The following WEE2 variants were observed in gnomAD, a reference collection of about 807,000 sequenced individuals.
WEE2 encodes WEE2 oocyte meiosis inhibiting kinase.
A neutral mutation model predicts 60.1 loss-of-function variants in WEE2; 50 were observed. The ratio of observed to expected loss-of-function variants is 0.83; its 90% CI spans 0.66 to 1.05. The LOEUF is 1.05. WEE2 is among the 50% of genes least tolerant of loss of function. The probability of loss-of-function intolerance (pLI) is 0.00; values close to 1 mark genes in which losing one functional copy is unlikely to be tolerated. For synonymous variants in WEE2, 240 were observed against 241.0 expected (o/e 1.00, Z 0.04); for missense variants, 631 against 684.3 (o/e 0.92, Z 0.87).
intron 5 of WEE2, 89 bp from the exon 6 acceptor site, chr7:141,723,045 C>T: frequency 6.5e-7 from 1 of 1,526,940 alleles, no homozygotes; most frequent in Non-Finnish European, 8.9e-7. Flanking sequence ...GGAACTAATA[C>T]CCTGAAGATA....
intron 8 of WEE2, among the ~76,000 whole-genome samples, 171 bp from the exon 9 acceptor site, chr7:141,724,855 A>G (rs1798982255): frequency 6.6e-6 from 1 of 152,226 alleles, no homozygotes; most frequent in Non-Finnish European, 1.5e-5. Context: ...AATCAGGTAG[A>G]TTCGTGTTCT....
intron 9 of WEE2, among the ~76,000 whole-genome samples, chr7:141,726,261 T>C (rs564338492): frequency 2.0e-5 from 3 of 152,124 alleles, no homozygotes; most frequent in Non-Finnish European, 4.4e-5. Flanking sequence ...CCTTGGAGAT[T>C]AGATTTTTTT....
chr7:141,727,244 G>A, intron 9 of WEE2, 60 bp from the exon 10 acceptor site: 1 of 1,561,364 alleles, frequency 6.4e-7, no homozygotes, highest in South Asian at 1.2e-5. Flanking sequence ...TGGCTTGAAT[G>A]GGAAGATTTT....
chr7:141,713,289 C>G (rs952924699), intron 1 of WEE2, among the ~76,000 whole-genome samples: 2 of 152,284 alleles, frequency 1.3e-5, no homozygotes. Context: ...TTAGAAAGAG[C>G]CTCACAGTGC....
chr7:141,729,768 C>A, intron 11 of WEE2, 95 bp downstream of exon 11: 1 of 1,412,638 alleles, frequency 7.1e-7, no homozygotes, highest in Non-Finnish European at 9.6e-7. Flanking sequence ...GCAGGTGGAT[C>A]ATGAGGTCAG....
intron 10 of WEE2, chr7:141,727,819 C>T (rs535664199): frequency 3.2e-4 from 60 of 188,188 alleles, no homozygotes; most frequent in Non-Finnish European, 5.7e-4. Context: ...TTTTAGAAAC[C>T]CATAAATTTC....
intron 1 of WEE2, among the ~76,000 whole-genome samples, chr7:141,713,057 C>G (rs2117103692): frequency 6.6e-6 from 1 of 152,240 alleles, no homozygotes; most frequent in Admixed American, 6.5e-5. Context: ...ACACTTGACT[C>G]TGGCAATGAC....
intron 4 of WEE2, 131 bp downstream of exon 4, chr7:141,719,375 G>A (rs1033861936): frequency 9.5e-6 from 8 of 843,518 alleles, no homozygotes; most frequent in Non-Finnish European, 1.4e-5. Flanking sequence ...CACATTATAT[G>A]TTATCTCATA....
intron 5 of WEE2, 113 bp from the exon 6 acceptor site, chr7:141,723,021 C>T: frequency 1.4e-6 from 2 of 1,384,918 alleles, no homozygotes; most frequent in East Asian, 2.3e-5. Flanking sequence ...GCTTTGATAT[C>T]TGCAGGAGGT....
intron 2 of WEE2, among the ~76,000 whole-genome samples, chr7:141,715,965 C>T (rs1285164146): frequency 1.3e-5 from 2 of 152,164 alleles, no homozygotes; most frequent in Admixed American, 1.3e-4. Context: ...CTACTCGTTC[C>T]CAGAATCTTG....
chr7:141,726,188 A>G (rs1009815644), intron 9 of WEE2, among the ~76,000 whole-genome samples: 4 of 152,236 alleles, frequency 2.6e-5, no homozygotes, highest in Non-Finnish European at 4.4e-5. Context: ...ATATGACTTT[A>G]AATCATGTCT....
intron 1 of WEE2, among the ~76,000 whole-genome samples, chr7:141,713,307 A>G (rs1798738306): frequency 6.6e-6 from 1 of 152,180 alleles, no homozygotes; most frequent in South Asian, 2.1e-4. Context: ...TGCAATGCTT[A>G]TACTGTGGCC....
intron 2 of WEE2, among the ~76,000 whole-genome samples, chr7:141,714,842 T>C (rs1798769969): frequency 6.6e-6 from 1 of 152,178 alleles, no homozygotes; most frequent in African/African-American, 2.4e-5. Context: ...CTGTGGGTGA[T>C]GGAAGATTGG....
At chr7:141,716,380 C>T in intron 3 of WEE2, 113 bp downstream of exon 3, 1 of 983,314 alleles carries the variant, frequency 1.0e-6, no homozygotes, top group East Asian at 2.5e-5. Context: ...CTTCCCTACC[C>T]TCCCTTTTCT....
rs1798972853 is a variant in WEE2, at chr7:141,724,281, G to A, written c.1221+6G>A. ...CTAATGAGATTTTGCAAGAGGTATA[G>A]ATTAGGGAAATGGAGGGTATTTTAT... On this transcript the variant is annotated splice_donor_region_variant and intron_variant, in intron 8 of 11. Coordinates refer to ENST00000397541, the MANE Select transcript of WEE2 (RefSeq NM_001105558.1). 1.2e-6 allele frequency: 2 copies of A among 1,604,660 alleles called. No individual in the cohort carries two copies. Among genetic ancestry groups the A allele is most frequent in the Non-Finnish European group, 1.7e-6 (2 of 1,177,002 alleles).
At chr7:141,712,378 T>C (rs955895208) in intron 1 of WEE2, among the ~76,000 whole-genome samples, 1 of 152,172 alleles carries the variant, frequency 6.6e-6, no homozygotes, top group African/African-American at 2.4e-5. Flanking sequence ...CTTATCTCCC[T>C]CAATCATCTG....
At chr7:141,727,615 C>A in intron 10 of WEE2, 169 bp downstream of exon 10, 1 of 791,416 alleles carries the variant, frequency 1.3e-6, no homozygotes, top group Non-Finnish European at 1.9e-6. Context: ...TTTGTAGCAT[C>A]GGGCTGGGAG....
chr7:141,718,060 C>T (rs1006559216), intron 3 of WEE2, among the ~76,000 whole-genome samples: 1 of 151,998 alleles, frequency 6.6e-6, no homozygotes, highest in African/African-American at 2.4e-5. Flanking sequence ...CCAATCCAGA[C>T]AAGAAGGGAA....
intron 7 of WEE2, 57 bp downstream of exon 7, chr7:141,724,105 G>C: frequency 6.4e-7 from 1 of 1,566,252 alleles, no homozygotes; most frequent in Non-Finnish European, 8.7e-7. Flanking sequence ...TTATAGTGAT[G>C]ACTCAATTTA....
Sources: gnomAD v4.1 joint callset for allele counts (sites outside exome capture counted in the v4.1 genomes callset) on GRCh38, gnomAD v4.1.1 for gene constraint, MANE v1.5 for transcripts, NCBI Gene and HGNC (gene_info 2026-07-23, HGNC 2026-07-21) for gene names.